Variants in TACR1 observed in about 807,000 individuals in gnomAD.
The protein encoded by TACR1 is tachykinin receptor 1.
TACR1 carries 25 observed loss-of-function variants against 35.8 expected under a neutral mutation model. The ratio of observed to expected loss-of-function variants is 0.70; its 90% CI spans 0.51 to 0.98. The LOEUF (loss-of-function observed/expected upper bound fraction) is 0.98, where lower values mean the gene tolerates loss of function less well. Among genes scored for constraint, TACR1 ranks in the 50% least tolerant of loss-of-function variants. TACR1 has a pLI of 0.00. For missense variants in TACR1, 478 were observed against 522.9 expected (o/e 0.91, Z 0.84); for synonymous variants, 195 against 206.7 (o/e 0.94, Z 0.48).
At chr2:75,105,306 C>T (rs952307135) in intron 2 of TACR1, among the ~76,000 whole-genome samples, 1 of 151,980 alleles carries the variant, frequency 6.6e-6, no homozygotes, top group Non-Finnish European at 1.5e-5. Flanking sequence ...TGCACGATCT[C>T]ATTGACATGT....
chr2:75,060,112 G>T (rs1017338759), intron 2 of TACR1, among the ~76,000 whole-genome samples: 3 of 152,090 alleles, frequency 2.0e-5, no homozygotes, highest in Non-Finnish European at 4.4e-5. Flanking sequence ...TAGGGGCTGG[G>T]GACACTGAGG....
At chr2:75,112,535 G>A (rs761774814) in intron 2 of TACR1, among the ~76,000 whole-genome samples, 51 of 151,926 alleles carry the variant, frequency 3.4e-4, no homozygotes, top group Non-Finnish European at 5.4e-4. Context: ...TTCTTATGCC[G>A]TCCAGTAAAG....
chr2:75,071,656 A>C (rs192829512), intron 2 of TACR1, among the ~76,000 whole-genome samples: 51 of 152,376 alleles, frequency 3.3e-4, no homozygotes, highest in African/African-American at 1.1e-3. Context: ...TCATTGATAC[A>C]AATGACCTTC....
chr2:75,134,613 G>A (rs1296228595), intron 1 of TACR1, among the ~76,000 whole-genome samples: 1 of 152,234 alleles, frequency 6.6e-6, no homozygotes, highest in East Asian at 1.9e-4. Flanking sequence ...TCTATGGAAA[G>A]CTGTGTGCAA....
chr2:75,111,949 A>C (rs931058757), intron 2 of TACR1, among the ~76,000 whole-genome samples: 13 of 151,998 alleles, frequency 8.6e-5, no homozygotes, highest in African/African-American at 2.7e-4. Flanking sequence ...TTTTTAAAAA[A>C]AATTTAAAAA....
intron 1 of TACR1, among the ~76,000 whole-genome samples, chr2:75,133,769 AGCTGTGTAAAATGAG>A (rs111436483): frequency 0.076 from 11,637 of 152,222 alleles, 897 homozygotes; most frequent in African/African-American, 0.2. Flanking sequence ...CTTGAATAGG[AGCTGTGTAAAATGAG>A]GCTGAAACCT....
intron 2 of TACR1, among the ~76,000 whole-genome samples, chr2:75,066,135 A>G (rs942817020): frequency 2.0e-5 from 3 of 152,198 alleles, no homozygotes; most frequent in African/African-American, 4.8e-5. Context: ...CATATTTTCT[A>G]CCTGCAGTAG....
chr2:75,094,860 T>TATATATATATATATATATATATATA (rs1491102755), intron 2 of TACR1, among the ~76,000 whole-genome samples: 46 of 50,380 alleles, frequency 9.1e-4, no homozygotes, highest in South Asian at 2.8e-3. Flanking sequence ...TATATATATA[T>TATATATATATATATATATATATATA]TTTTTTTTTT....
chr2:75,107,922 G>A (rs1425184645), intron 2 of TACR1, among the ~76,000 whole-genome samples: 1 of 151,664 alleles, frequency 6.6e-6, no homozygotes, highest in African/African-American at 2.4e-5. Context: ...AAAAAATAGA[G>A]GAAGTAGAAA....
chr2:75,059,483 T>A (rs1180553407), intron 2 of TACR1, among the ~76,000 whole-genome samples: 1 of 152,138 alleles, frequency 6.6e-6, no homozygotes, highest in African/African-American at 2.4e-5. Context: ...AGCTTCTGAT[T>A]TAATTGGCCT....
intron 1 of TACR1, chr2:75,189,361 GT>G (rs1675789993): frequency 6.6e-6 from 1 of 152,200 alleles, no homozygotes; most frequent in Admixed American, 6.5e-5. Flanking sequence ...TGCCACTTTT[GT>G]TTGTATGACT....
intron 1 of TACR1, among the ~76,000 whole-genome samples, chr2:75,145,895 A>G (rs58913381): frequency 0.046 from 7,078 of 152,250 alleles, 259 homozygotes; most frequent in African/African-American, 0.1. Context: ...GGGAGATTTG[A>G]ATTACAGATC....
intron 2 of TACR1, among the ~76,000 whole-genome samples, chr2:75,114,854 G>C (rs1673818539): frequency 6.6e-6 from 1 of 152,150 alleles, no homozygotes; most frequent in Non-Finnish European, 1.5e-5. Flanking sequence ...TTATATTAAT[G>C]ATGAGCCTAA....
intron 1 of TACR1, among the ~76,000 whole-genome samples, chr2:75,131,101 T>C (rs1222731772): frequency 1.3e-5 from 2 of 152,094 alleles, no homozygotes; most frequent in African/African-American, 2.4e-5. Flanking sequence ...TTTTTTCTTT[T>C]TTTTTTTGAG....
At chr2:75,062,273 A>G (rs2103799302) in intron 2 of TACR1, among the ~76,000 whole-genome samples, 1 of 152,120 alleles carries the variant, frequency 6.6e-6, no homozygotes, top group South Asian at 2.1e-4. Flanking sequence ...GTCGATTTGA[A>G]AATACAGACA....
intron 2 of TACR1, among the ~76,000 whole-genome samples, chr2:75,103,316 A>G (rs1190457743): frequency 6.6e-6 from 1 of 152,132 alleles, no homozygotes; most frequent in Non-Finnish European, 1.5e-5. Flanking sequence ...GAAAGTCCTC[A>G]AAACACACGA....
chr2:75,082,621 C>T (rs1673112289), intron 2 of TACR1, among the ~76,000 whole-genome samples: 1 of 152,194 alleles, frequency 6.6e-6, no homozygotes, highest in South Asian at 2.1e-4. Context: ...GCCATTCTAA[C>T]TGGTGTGAGA....
intron 1 of TACR1, among the ~76,000 whole-genome samples, chr2:75,176,012 C>A (rs1264027520): frequency 1.0e-3 from 109 of 109,510 alleles, no homozygotes; most frequent in East Asian, 1.1e-3. Flanking sequence ...TTGAGCTGTC[C>A]AAAAAAAAAA....
chr2:75,074,856 G>A (rs1357030086), intron 2 of TACR1, among the ~76,000 whole-genome samples: 2 of 152,158 alleles, frequency 1.3e-5, no homozygotes, highest in African/African-American at 2.4e-5. Flanking sequence ...TGTGTGTAGC[G>A]TGGGTTGGTA....
Sources: gnomAD v4.1 joint callset for allele counts (sites outside exome capture counted in the v4.1 genomes callset) on GRCh38, gnomAD v4.1.1 for gene constraint, MANE v1.5 for transcripts, NCBI Gene and HGNC (gene_info 2026-07-23, HGNC 2026-07-21) for gene names.